The following USP25 variants were observed in gnomAD, a reference collection of about 807,000 sequenced individuals.
USP25 encodes the protein ubiquitin specific peptidase 25.
In USP25, 85 loss-of-function variants were observed where a neutral mutation model predicts 158.5. That is an observed-to-expected ratio of 0.54 (90% CI 0.45 to 0.64). The LOEUF is 0.64. Ranked by LOEUF, USP25 falls within the 30% of genes least tolerant of loss-of-function variation. USP25 has a pLI of 0.00. For missense variants in USP25, 1,242 were observed against 1,327.3 expected, an observed-to-expected ratio of 0.94 and a Z score of 1.00; for synonymous variants, 464 against 460.4, an observed-to-expected ratio of 1.01 and a Z score of -0.10.
At chr21:15,761,339 G>A in intron 1 of USP25, among the ~76,000 whole-genome samples, 1 of 152,316 alleles carries the variant, frequency 6.6e-6, no homozygotes, top group East Asian at 1.9e-4. Context: ...GGAATGTCAG[G>A]CAACCATTAG....
chr21:15,784,335 G>C (rs191914207), intron 4 of USP25, among the ~76,000 whole-genome samples: 2 of 152,308 alleles, frequency 1.3e-5, no homozygotes, highest in African/African-American at 4.8e-5. Context: ...CACTTTCGGA[G>C]GCTGAGGCTG....
intron 4 of USP25, among the ~76,000 whole-genome samples, chr21:15,778,482 G>A (rs1225758717): frequency 1.3e-5 from 2 of 152,040 alleles, no homozygotes; most frequent in African/African-American, 2.4e-5. Context: ...AATGAGCTTG[G>A]CTGTATCCTA....
chr21:15,769,561 G>C (rs1242602681), intron 3 of USP25, among the ~76,000 whole-genome samples: 1 of 152,024 alleles, frequency 6.6e-6, no homozygotes, highest in Admixed American at 6.6e-5. Flanking sequence ...TTGGAGTTTT[G>C]CTGTCAAAAA....
intron 20 of USP25, among the ~76,000 whole-genome samples, chr21:15,853,792 C>CT (rs1163969434): frequency 6.7e-6 from 1 of 149,800 alleles, no homozygotes; most frequent in African/African-American, 2.5e-5. Flanking sequence ...GAGAGCTTTC[C>CT]TGTTTTTTTT....
At chr21:15,862,697 T>C (rs1272150031) in intron 20 of USP25, among the ~76,000 whole-genome samples, 1 of 151,332 alleles carries the variant, frequency 6.6e-6, no homozygotes, top group East Asian at 1.9e-4. Flanking sequence ...ACAGTTGATA[T>C]TTATGGCTGT....
intron 4 of USP25, among the ~76,000 whole-genome samples, chr21:15,788,918 A>G (rs1228093331): frequency 6.6e-6 from 1 of 152,124 alleles, no homozygotes; most frequent in Non-Finnish European, 1.5e-5. Context: ...ACTTTAATCA[A>G]AGTTGTTACA....
In USP25 at chr21:15,847,773, C is replaced by T. The variant is rs1213473788; in HGVS notation, c.2448C>T (p.Asp816=). 72 of 1,544,912 alleles carry T rather than the reference C, an allele frequency of 4.7e-5. No individual in the cohort carries two copies. Among genetic ancestry groups the T allele is most frequent in the Non-Finnish European group, 5.8e-5 (66 of 1,142,096 alleles). The change falls in exon 19 of 26, where the codon GAC becomes GAT. Residue 816 remains aspartate, a synonymous_variant. Transcript: ENST00000400183. ...AATCAAAGGAGGGGGGGTATGATGA[C>T]GAGGTACCTTTTACAGCCCTCTGCA... ...MIESKEGGYD[D]EIMMTPNMQG...
At chr21:15,821,088 A>G (rs1036098688) in intron 10 of USP25, among the ~76,000 whole-genome samples, 2 of 151,948 alleles carry the variant, frequency 1.3e-5, no homozygotes, top group African/African-American at 4.8e-5. Flanking sequence ...TGGAGGAAAA[A>G]AATTTCAGAT....
At chr21:15,818,917 G>A (rs181959413) in intron 10 of USP25, 71 bp downstream of exon 10, 132 of 1,490,998 alleles carry the variant, frequency 8.9e-5, no homozygotes, top group Admixed American at 6.0e-4. Flanking sequence ...ACAATGTAAG[G>A]TTCTAATTAT....
intron 6 of USP25, among the ~76,000 whole-genome samples, chr21:15,802,071 C>T (rs2146258830): frequency 6.6e-6 from 1 of 151,552 alleles, no homozygotes; most frequent in South Asian, 2.1e-4. Flanking sequence ...TAAAATGTTT[C>T]AGACTGATGG....
chr21:15,876,737 C>A (rs146749880), intron 24 of USP25: 2 of 152,264 alleles, frequency 1.3e-5, no homozygotes, highest in African/African-American at 4.8e-5. Flanking sequence ...AGACACAAAG[C>A]CTAACCATAT....
intron 20 of USP25, among the ~76,000 whole-genome samples, chr21:15,860,311 C>G (rs1380992446): frequency 1.3e-5 from 2 of 152,218 alleles, no homozygotes; most frequent in South Asian, 4.2e-4. Flanking sequence ...CATCACCATG[C>G]CTGGCTAATT....
At position 15,833,373 on chromosome 21, in the gene USP25, G is replaced by C; in HGVS notation, c.2019G>C (p.Gln673His). ...IQEEFNKETG[Q>H]PLVGIETLPP... Reference sequence around the variant, plus strand: ...AGGAGTTTAATAAAGAAACTGGGCAGCCCCTTGTTGGTATAGAAACATTAC... The same window carrying C: ...AGGAGTTTAATAAAGAAACTGGGCACCCCCTTGTTGGTATAGAAACATTAC... The change falls in exon 17 of 26, where the codon CAG (glutamine) becomes CAC (histidine). Residue 673 changes from glutamine to histidine, a missense_variant. Physicochemically the swap from Gln to His is conservative, Grantham distance 24. This residue lies in a region of USP25 where 608 missense variants were observed against 605.2 expected (regional missense o/e 1.00). Transcript: ENST00000400183. 1 of 1,613,668 alleles carries C rather than the reference G, an allele frequency of 6.2e-7. No individual in the cohort carries two copies. The highest frequency in any genetic ancestry group is 8.5e-7 in the Non-Finnish European group (1 of 1,179,810).
chr21:15,877,657 G>A, intron 24 of USP25, 139 bp from the exon 25 acceptor site: 1 of 627,352 alleles, frequency 1.6e-6, no homozygotes, highest in Non-Finnish European at 2.6e-6. Context: ...GATAGGTTGA[G>A]ATTGTTTTCT....
chr21:15,806,534 A>C (rs1240598657), intron 7 of USP25, among the ~76,000 whole-genome samples: 1 of 151,958 alleles, frequency 6.6e-6, no homozygotes, highest in African/African-American at 2.4e-5. Context: ...ATGTATGTAC[A>C]TAGGTGGGCT....
At chr21:15,831,970 A>T (rs983579636) in intron 16 of USP25, among the ~76,000 whole-genome samples, 2 of 152,158 alleles carry the variant, frequency 1.3e-5, no homozygotes, top group African/African-American at 4.8e-5. Context: ...CCCCACCTTC[A>T]TTGATCACCA....
chr21:15,864,302 T>G lies in USP25; in HGVS notation c.2582T>G (p.Leu861Trp). The change falls in exon 21 of 26, where the codon TTG becomes TGG. Residue 861 changes from leucine (L) to tryptophan (W), a missense_variant. Leu to Trp is a moderately conservative substitution (Grantham distance 61, BLOSUM62 -2). This residue lies in a region of USP25 where 608 missense variants were observed against 605.2 expected (regional missense o/e 1.00). Transcript: ENST00000400183. ...IKLEYARLVK[L>W]AQEDTPPETD... Reference sequence around the variant, plus strand: ...TTGGAATATGCAAGGTTGGTTAAGTTGGCCCAAGAAGACACCCCACCAGAA... The same window carrying G: ...TTGGAATATGCAAGGTTGGTTAAGTGGGCCCAAGAAGACACCCCACCAGAA... The G allele has an allele frequency of 6.2e-7, 1 of 1,609,862 alleles. No homozygotes were observed. The highest frequency in any genetic ancestry group is 8.5e-7 in the Non-Finnish European group (1 of 1,178,946).
rs142851714 is a variant in USP25 at position 15,826,958 on chromosome 21, A to G, written c.1467-19A>G. The G allele has an allele frequency of 4.1e-4, 667 of 1,610,582 alleles. 1 individual carries two copies. In the African/African-American group the frequency reaches 7.8e-3, roughly 19 times the overall value. The stretch of plus-strand genomic sequence containing the variant: ...TCAGCTTGAAAGGTTAATAAGAAAT[A>G]CTCTATGCTTTGATACAGCACAACA... On this transcript the variant is annotated intron_variant, in intron 13 of 25. Coordinates refer to ENST00000400183, the MANE Select transcript of USP25 (RefSeq NM_001283041.3). The surrounding 1 kb of genome is among the most constrained non-coding windows in gnomAD (Gnocchi z 4.8).
At chr21:15,742,875 C>T (rs1196448032) in intron 1 of USP25, among the ~76,000 whole-genome samples, 1 of 152,220 alleles carries the variant, frequency 6.6e-6, no homozygotes, top group Non-Finnish European at 1.5e-5. Flanking sequence ...ACTGCCACTC[C>T]GTGCTCAGCC....
Sources: gnomAD v4.1 joint callset for allele counts (sites outside exome capture counted in the v4.1 genomes callset) on GRCh38, gnomAD v4.1.1 for gene constraint, gnomAD v4.1.1 regional missense constraint, Gnocchi (gnomAD v3.1) non-coding constraint, MANE v1.5 for transcripts, NCBI Gene and HGNC (gene_info 2026-07-23, HGNC 2026-07-21) for gene names.